The following DHRS9 variants were observed in gnomAD, a reference collection of about 807,000 sequenced individuals.
The protein encoded by DHRS9 is dehydrogenase/reductase SDR family member 9.
DHRS9 carries 18 observed loss-of-function variants against 26.6 expected under a neutral mutation model. The ratio of observed to expected loss-of-function variants is 0.68; its 90% confidence interval spans 0.47 to 1.00. The LOEUF (loss-of-function observed/expected upper bound fraction) is 1.00. Ranked by LOEUF, DHRS9 falls within the 50% of genes least tolerant of loss-of-function variation. The pLI is 0.00. For missense variants in DHRS9, 425 were observed against 378.7 expected, an observed-to-expected ratio of 1.12 and a Z score of -1.01; for synonymous variants, 134 against 141.1, an observed-to-expected ratio of 0.95 and a Z score of 0.36.
intron 3 of DHRS9, among the ~76,000 whole-genome samples, chr2:169,086,487 T>G (rs1485055744): frequency 6.6e-6 from 1 of 152,142 alleles, no homozygotes; most frequent in African/African-American, 2.4e-5. Context: ...TGGTCTCTTG[T>G]GTCTTATTTC....
At chr2:169,084,142 C>T (rs947515953) in intron 3 of DHRS9, among the ~76,000 whole-genome samples, 4 of 152,126 alleles carry the variant, frequency 2.6e-5, no homozygotes, top group Admixed American at 6.5e-5. Context: ...CCACCAGTTC[C>T]ATCCAAGTTG....
chr2:169,079,531 G>A (rs1299890532), intron 1 of DHRS9, among the ~76,000 whole-genome samples: 6 of 151,902 alleles, frequency 3.9e-5, no homozygotes, highest in Admixed American at 6.6e-5. Flanking sequence ...AAAAGGATTC[G>A]AAGGAAAAAT....
chr2:169,067,450 G>A (rs1170879315), upstream of DHRS9, among the ~76,000 whole-genome samples: 1 of 152,168 alleles, frequency 6.6e-6, no homozygotes, highest in Non-Finnish European at 1.5e-5. Context: ...AGAAGTATGG[G>A]AGGCATACAG....
chr2:169,083,562 G>T lies in DHRS9; in HGVS notation c.547G>T (p.Val183Leu). The change falls in exon 3 of 5, where the codon GTG becomes TTG. Residue 183 changes from valine to leucine, a missense_variant. Physicochemically the swap from Val to Leu is conservative, Grantham distance 32. Coordinates refer to ENST00000674881, the MANE Select transcript of DHRS9 (RefSeq NM_001376924.1). ...GGGYTPSKYA[V>L]EGFNDSLRRD... ...GGGCTATACTCCATCCAAATATGCA[G>T]TGGAAGGTTTCAATGACAGCTTAAG... The T allele has an allele frequency of 6.2e-7, 1 of 1,614,076 alleles. No individual in the cohort carries two copies. Among genetic ancestry groups the T allele is most frequent in the Middle Eastern group, 1.7e-4 (1 of 6,058 alleles).
At chr2:169,072,186 C>T (rs999530282) in intron 1 of DHRS9, among the ~76,000 whole-genome samples, 4 of 151,992 alleles carry the variant, frequency 2.6e-5, no homozygotes, top group Non-Finnish European at 5.9e-5. Context: ...AAGAGAACTC[C>T]AAAAAGAGAA....
intron 1 of DHRS9, among the ~76,000 whole-genome samples, chr2:169,080,045 G>GAAAGAA (rs1684134495): frequency 2.2e-5 from 3 of 136,148 alleles, no homozygotes; most frequent in Non-Finnish European, 4.8e-5. Flanking sequence ...AAGAAAGAAA[G>GAAAGAA]AAAGAAAATA....
At chr2:169,070,004 C>T in intron 1 of DHRS9, 1 of 807,142 alleles carries the variant, frequency 1.2e-6, no homozygotes, top group Non-Finnish European at 1.5e-6. Flanking sequence ...TTTATTTTCT[C>T]TGTGCCTTCT....
chr2:169,087,719 G>A (rs969193542), intron 3 of DHRS9, among the ~76,000 whole-genome samples: 1 of 152,096 alleles, frequency 6.6e-6, no homozygotes, highest in Non-Finnish European at 1.5e-5. Flanking sequence ...ATTTTGCTAG[G>A]ACTAATTTCT....
chr2:169,087,325 C>A (rs763210045), intron 3 of DHRS9, among the ~76,000 whole-genome samples: 53 of 152,166 alleles, frequency 3.5e-4, no homozygotes, highest in Non-Finnish European at 6.2e-4. Flanking sequence ...CCCAAGGGCT[C>A]TTCAATCAGC....
At chr2:169,084,657 T>C (rs191071774) in intron 3 of DHRS9, among the ~76,000 whole-genome samples, 2 of 152,304 alleles carry the variant, frequency 1.3e-5, no homozygotes, top group East Asian at 3.9e-4. Flanking sequence ...TCTACTCAGA[T>C]CTTTTGCCCA....
chr2:169,079,920 GGAGAGAGAGAGAGAGAGA>G (rs1200500362), intron 1 of DHRS9, among the ~76,000 whole-genome samples: 7 of 10,302 alleles, frequency 6.8e-4, no homozygotes, highest in Admixed American at 1.2e-3. Flanking sequence ...GGAGGGAGGG[GGAGAGAGAGAGAGAGAGA>G]GAGAGAGAGA....
At chr2:169,084,507 G>T (rs1193541830) in intron 3 of DHRS9, among the ~76,000 whole-genome samples, 1 of 151,972 alleles carries the variant, frequency 6.6e-6, no homozygotes, top group African/African-American at 2.4e-5. Context: ...ATTTGTTATT[G>T]CCTGTCTTTT....
intron 1 of DHRS9, among the ~76,000 whole-genome samples, chr2:169,074,093 G>T (rs550450899): frequency 1.0e-3 from 157 of 152,258 alleles, no homozygotes; most frequent in Non-Finnish European, 1.7e-3. Flanking sequence ...CTCAGTTAGA[G>T]GAATCAATGC....
At chr2:169,080,059 T>C (rs79322837) in intron 1 of DHRS9, among the ~76,000 whole-genome samples, 1,404 of 134,808 alleles carry the variant, frequency 0.01, 28 homozygotes, top group African/African-American at 0.036. Context: ...GAAAATAAAG[T>C]CCAAAGTCTA....
chr2:169,073,565 C>G (rs1387210165), intron 1 of DHRS9, among the ~76,000 whole-genome samples: 1 of 152,132 alleles, frequency 6.6e-6, no homozygotes. Context: ...TGGGGGTCAA[C>G]AGCATGGGGT....
intron 4 of DHRS9, among the ~76,000 whole-genome samples, chr2:169,095,308 T>A (rs1684658463): frequency 6.6e-6 from 1 of 151,982 alleles, no homozygotes; most frequent in African/African-American, 2.4e-5. Context: ...AAACCTGGGT[T>A]TTAATGAGCT....
chr2:169,083,443 G>A lies in DHRS9; in HGVS notation c.428G>A (p.Ser143Asn). Residue 143 changes from serine (S) to asparagine (N), a missense_variant, in exon 3 of 5, where the codon AGT becomes AAT. By Grantham distance (46) the Ser-to-Asn change is conservative (BLOSUM62 1). Transcript: ENST00000674881. Reference sequence around the variant, plus strand: ...GAAGTGAACCTGTTTGGACTCATCAGTGTGACACTAAATATGCTTCCTTTG... The same window carrying A: ...GAAGTGAACCTGTTTGGACTCATCAATGTGACACTAAATATGCTTCCTTTG... ...PIEVNLFGLI[S>N]VTLNMLPLVK... 6.2e-7 allele frequency: 1 copy of A among 1,614,106 alleles called. No homozygotes were observed. The highest frequency in any genetic ancestry group is 1.1e-5 in the South Asian group (1 of 91,084).
intron 1 of DHRS9, chr2:169,074,339 G>C: frequency 1.0e-6 from 1 of 985,418 alleles, no homozygotes; most frequent in Non-Finnish European, 1.2e-6. Flanking sequence ...CTGCCTGCTT[G>C]CTTCTGAGGT....
At chr2:169,078,808 C>G (rs1684044526) in intron 1 of DHRS9, among the ~76,000 whole-genome samples, 1 of 131,952 alleles carries the variant, frequency 7.6e-6, no homozygotes, top group Admixed American at 7.4e-5. Context: ...TAATTTTTAT[C>G]AACTGACTTT....
Sources: gnomAD v4.1 joint callset for allele counts (sites outside exome capture counted in the v4.1 genomes callset) on GRCh38, gnomAD v4.1.1 for gene constraint, MANE v1.5 for transcripts, NCBI Gene and HGNC (gene_info 2026-07-23, HGNC 2026-07-21) for gene names.